KCTD16: variants seen among roughly 807,000 people sequenced by gnomAD.
The protein encoded by KCTD16 is BTB/POZ domain-containing protein KCTD16.
KCTD16 carries 13 observed loss-of-function variants against 33.2 expected under a neutral mutation model. The ratio of observed to expected loss-of-function variants is 0.39; its 90% CI spans 0.25 to 0.62. The LOEUF (loss-of-function observed/expected upper bound fraction) is 0.62. KCTD16 is among the 20% of genes least tolerant of loss of function. The pLI is 0.50. For missense variants in KCTD16, 441 were observed against 525.1 expected (o/e 0.84, Z 1.57); for synonymous variants, 197 against 195.3 (o/e 1.01, Z -0.07).
At chr5:144,220,592 A>G (rs979651306) in intron 3 of KCTD16, among the ~76,000 whole-genome samples, 1 of 152,090 alleles carries the variant, frequency 6.6e-6, no homozygotes, top group East Asian at 1.9e-4. Context: ...GTTTATACAT[A>G]CACACTTACT....
intron 3 of KCTD16, among the ~76,000 whole-genome samples, chr5:144,223,870 C>T (rs1237417650): frequency 6.6e-6 from 1 of 151,908 alleles, no homozygotes; most frequent in Non-Finnish European, 1.5e-5. Context: ...AGGTGTTCCT[C>T]CTTGTTCCCC....
chr5:144,259,903 A>T (rs1254684631), intron 3 of KCTD16, among the ~76,000 whole-genome samples: 1 of 152,168 alleles, frequency 6.6e-6, no homozygotes, highest in Non-Finnish European at 1.5e-5. Flanking sequence ...GCCCACAGGA[A>T]TTTAATGGTT....
chr5:144,289,128 A>G (rs1755828137), intron 3 of KCTD16, among the ~76,000 whole-genome samples: 1 of 152,240 alleles, frequency 6.6e-6, no homozygotes, highest in Admixed American at 6.5e-5. Flanking sequence ...TCTTCATGGC[A>G]TAACTACTTG....
At chr5:144,233,369 T>A (rs1157047033) in intron 3 of KCTD16, among the ~76,000 whole-genome samples, 2 of 152,146 alleles carry the variant, frequency 1.3e-5, no homozygotes, top group Non-Finnish European at 1.5e-5. Context: ...AAATCTATAC[T>A]GTGAGGGCTT....
intron 3 of KCTD16, among the ~76,000 whole-genome samples, chr5:144,339,049 CCACA>C (rs33998677): frequency 0.33 from 50,741 of 151,858 alleles, 9,125 homozygotes; most frequent in African/African-American, 0.47. Context: ...TTTGACACAT[CCACA>C]CACAGGACAA....
chr5:144,474,354 C>G lies in KCTD16; in HGVS notation c.*240C>G, dbSNP rs1754549007. The G allele has an allele frequency of 4.5e-6, 2 of 441,900 alleles. No homozygotes were observed. Among genetic ancestry groups the G allele is most frequent in the Non-Finnish European group, 8.1e-6 (2 of 245,692 alleles). The allele number at this position is 441,900 out of a possible 1,614,324, so 27.4% of individuals were successfully genotyped here. The stretch of plus-strand genomic sequence containing the variant: ...TCTTTTTTAGTTATTTGTTTGTTTA[C>G]TTCGTCCCATGTGCTAACTATCTTA... On this transcript the variant is annotated 3_prime_UTR_variant, in exon 4 of 4. Transcript: ENST00000512467.
intron 3 of KCTD16, among the ~76,000 whole-genome samples, chr5:144,442,651 T>C (rs1753738970): frequency 6.6e-6 from 1 of 151,922 alleles, no homozygotes; most frequent in South Asian, 2.1e-4. Flanking sequence ...CTGCTTGTTT[T>C]GGAGTTACCA....
chr5:144,313,878 G>GCTTATTAAGCCTGCA (rs1580865657), intron 3 of KCTD16, among the ~76,000 whole-genome samples: 2 of 152,106 alleles, frequency 1.3e-5, no homozygotes, highest in South Asian at 4.1e-4. Context: ...CAGCATGCCA[G>GCTTATTAAGCCTGCA]GCACTGTCAA....
At chr5:144,225,552 TTGTG>T (rs10550980) in intron 3 of KCTD16, among the ~76,000 whole-genome samples, 26,400 of 138,100 alleles carry the variant, frequency 0.19, 2,418 homozygotes, top group East Asian at 0.28. Flanking sequence ...CAAAAATAAA[TTGTG>T]TGTGTGTGTG....
At position 144,284,963 on chromosome 5, in the gene KCTD16, C is replaced by A. The variant is rs537959015; in HGVS notation, c.832+77417C>A. Among the ~76,000 whole-genome samples the A allele has an allele frequency of 2.6e-5, 4 of 152,264 alleles. No individual in the cohort carries two copies. The South Asian group carries it at 8.3e-4, about 32-fold the overall frequency. On this transcript the variant is annotated intron_variant, in intron 3 of 3. Transcript: ENST00000512467. ...CCTGAAATATGCCATCATAGAAGCA[C>A]CTCGGGTAAACCACCACCATTTCAT... is the stretch of plus-strand genomic sequence containing the variant.
At chr5:144,283,835 TC>T (rs1418253648) in intron 3 of KCTD16, among the ~76,000 whole-genome samples, 2 of 152,166 alleles carry the variant, frequency 1.3e-5, no homozygotes, top group Non-Finnish European at 2.9e-5. Flanking sequence ...AGGATATAAA[TC>T]AATAGGTACT....
intron 3 of KCTD16, among the ~76,000 whole-genome samples, chr5:144,397,030 C>A (rs1752583161): frequency 1.3e-5 from 2 of 150,380 alleles, no homozygotes; most frequent in South Asian, 2.1e-4. Flanking sequence ...CCCATTAACT[C>A]GTCATTTACA....
intron 3 of KCTD16, among the ~76,000 whole-genome samples, chr5:144,228,028 G>A (rs779150830): frequency 6.6e-6 from 1 of 152,192 alleles, no homozygotes; most frequent in African/African-American, 2.4e-5. Flanking sequence ...GTGAATAATA[G>A]GAGTTAGACA....
Position 144,483,456 on chromosome 5 carries a change from A to G in KCTD16, c.*9342A>G, listed in dbSNP as rs1237578757. 1 of 151,966 alleles carries G rather than the reference A, an allele frequency of 6.6e-6. No homozygotes were observed. The highest frequency in any genetic ancestry group is 1.5e-5 in the Non-Finnish European group (1 of 67,934). The allele number at this position is 151,966 out of a possible 1,614,324, so 9.4% of individuals were successfully genotyped here. On this transcript the variant is annotated 3_prime_UTR_variant, in exon 4 of 4. Transcript: ENST00000512467. ...AAGTCATGGGCACATTGTAATAATC[A>G]CAAAGTTTTAGTCTCCTGCAAATAA...
chr5:144,352,363 C>T (rs547463013), intron 3 of KCTD16, among the ~76,000 whole-genome samples: 16 of 152,070 alleles, frequency 1.1e-4, no homozygotes, highest in East Asian at 5.8e-4. Context: ...ATATTGAATA[C>T]GAAGTGGGGA....
chr5:144,358,393 GA>G (rs535755158), intron 3 of KCTD16, among the ~76,000 whole-genome samples: 14 of 152,256 alleles, frequency 9.2e-5, no homozygotes, highest in Non-Finnish European at 1.6e-4. Context: ...TGAAATTGAG[GA>G]AATGCCACCA....
At chr5:144,327,672 AT>A (rs1372636645) in intron 3 of KCTD16, among the ~76,000 whole-genome samples, 1 of 152,204 alleles carries the variant, frequency 6.6e-6, no homozygotes, top group Non-Finnish European at 1.5e-5. Flanking sequence ...AATTAAAAAA[AT>A]GACCCACAAA....
At chr5:144,348,053 C>G (rs941853941) in intron 3 of KCTD16, among the ~76,000 whole-genome samples, 1 of 152,204 alleles carries the variant, frequency 6.6e-6, no homozygotes, top group Non-Finnish European at 1.5e-5. Flanking sequence ...TCTGGTTTTT[C>G]TGGGGATATA....
In KCTD16 at chr5:144,427,795, C is replaced by T. The variant is rs10056706; in HGVS notation, c.833-45865C>T. On this transcript the variant is annotated intron_variant, in intron 3 of 3. Coordinates refer to ENST00000512467, the MANE Select transcript of KCTD16 (RefSeq NM_020768.4). ...TAAGATATAGCTCCAGTGGAAATAA[C>T]ATAGACTTTGAAATTACATAAATCT... 9.6e-3 allele frequency among the ~76,000 whole-genome samples: 1,455 copies of T among 152,166 alleles called. 23 individuals carry two copies. The highest frequency in any genetic ancestry group is 0.033 in the African/African-American group (1,368 of 41,526).
Sources: gnomAD v4.1 joint callset for allele counts (sites outside exome capture counted in the v4.1 genomes callset) on GRCh38, gnomAD v4.1.1 for gene constraint, MANE v1.5 for transcripts, NCBI Gene and HGNC (gene_info 2026-07-23, HGNC 2026-07-21) for gene names.